Variants in LZTFL1 observed in about 807,000 individuals in gnomAD.
LZTFL1 encodes the protein leucine zipper transcription factor like 1.
In LZTFL1, 25 loss-of-function variants were observed where a neutral mutation model predicts 45.9. The ratio of observed to expected loss-of-function variants is 0.54; its 90% CI spans 0.40 to 0.76. The LOEUF (loss-of-function observed/expected upper bound fraction) is 0.76. Among genes scored for constraint, LZTFL1 ranks in the 30% least tolerant of loss-of-function variants. The pLI is 0.00. For synonymous variants in LZTFL1, 93 were observed against 117.4 expected, an observed-to-expected ratio of 0.79 and a Z score of 1.35; for missense variants, 277 against 331.1, an observed-to-expected ratio of 0.84 and a Z score of 1.27.
chr3:45,913,091 A>C (rs1702830773), intron 2 of LZTFL1: 1 of 1,533,998 alleles, frequency 6.5e-7, no homozygotes, highest in South Asian at 1.2e-5. Flanking sequence ...CAGTAGCAGT[A>C]ATATGTTCTG....
intron 1 of LZTFL1, chr3:45,913,287 CA>C (rs1360258502): frequency 6.5e-6 from 5 of 765,170 alleles, no homozygotes; most frequent in Admixed American, 2.6e-5. Flanking sequence ...GGACCTGCCA[CA>C]ACCTAAAGAT....
intron 9 of LZTFL1, 85 bp from the exon 10 acceptor site, chr3:45,826,417 A>G (rs1700665043): frequency 1.9e-6 from 2 of 1,076,518 alleles, no homozygotes; most frequent in East Asian, 2.4e-5. Context: ...CAGTGGCACT[A>G]TATTTCTCAC....
chr3:45,904,357 C>T (rs893210333), intron 2 of LZTFL1, among the ~76,000 whole-genome samples: 4 of 152,338 alleles, frequency 2.6e-5, no homozygotes, highest in Non-Finnish European at 5.9e-5. Context: ...GTCCTGCTAT[C>T]TACAGGCAGC....
upstream of LZTFL1, among the ~76,000 whole-genome samples, chr3:45,845,792 A>C (rs1701209089): frequency 6.6e-6 from 1 of 152,192 alleles, no homozygotes; most frequent in African/African-American, 2.4e-5. Flanking sequence ...TTTGCCTACA[A>C]AGCTGGGGCT....
At chr3:45,898,751 T>G (rs967069167) in intron 2 of LZTFL1, among the ~76,000 whole-genome samples, 1 of 152,216 alleles carries the variant, frequency 6.6e-6, no homozygotes, top group Admixed American at 6.5e-5. Context: ...TAAGAAGCCC[T>G]CCACAAACAC....
At chr3:45,890,735 T>A (rs1575294616) in intron 2 of LZTFL1, among the ~76,000 whole-genome samples, 1 of 152,250 alleles carries the variant, frequency 6.6e-6, no homozygotes, top group Non-Finnish European at 1.5e-5. Flanking sequence ...AGAAAATGCA[T>A]CTTTCATTCA....
At chr3:45,890,279 T>TATAAATATATATAAC (rs1553616516) in intron 2 of LZTFL1, among the ~76,000 whole-genome samples, 3 of 75,770 alleles carry the variant, frequency 4.0e-5, no homozygotes, top group African/African-American at 6.0e-5. Context: ...AACATATATA[T>TATAAATATATATAAC]ATATTTATAT....
At chr3:45,892,345 T>C (rs1702206849) in intron 2 of LZTFL1, among the ~76,000 whole-genome samples, 1 of 152,004 alleles carries the variant, frequency 6.6e-6, no homozygotes, top group Non-Finnish European at 1.5e-5. Flanking sequence ...ATAAGGAAAA[T>C]GTGGTACATA....
upstream of LZTFL1, among the ~76,000 whole-genome samples, chr3:45,846,756 G>T (rs1701223245): frequency 6.6e-6 from 1 of 152,042 alleles, no homozygotes; most frequent in African/African-American, 2.4e-5. Flanking sequence ...GGTTGGTCTT[G>T]CTGTCTCGGG....
chr3:45,849,554 A>G (rs1235054592), intron 4 of LZTFL1, among the ~76,000 whole-genome samples: 1 of 152,224 alleles, frequency 6.6e-6, no homozygotes, highest in Non-Finnish European at 1.5e-5. Flanking sequence ...CATTGAAGCT[A>G]AGACACCAAT....
chr3:45,901,781 C>T lies in LZTFL1; in HGVS notation c.-215+11339G>A, dbSNP rs752484883. ...GATTCCGCCGGGATCTCGTGAAAACCCTGAAGAACTTGGGTTGCATCAGCC... is the reference window on the plus strand; with the variant it reads ...GATTCCGCCGGGATCTCGTGAAAACTCTGAAGAACTTGGGTTGCATCAGCC... On this transcript the variant is annotated intron_variant, in intron 2 of 4. Transcript: ENST00000472635. The surrounding 1 kb of genome is among the most constrained non-coding windows in gnomAD (Gnocchi z 4.3). 1.4e-5 allele frequency: 23 copies of T among 1,613,958 alleles called. No homozygotes were observed. In the African/African-American group the frequency reaches 1.6e-4, roughly 11 times the overall value.
chr3:45,863,150 T>A (rs1385996264), intron 2 of LZTFL1, among the ~76,000 whole-genome samples: 6 of 152,224 alleles, frequency 3.9e-5, no homozygotes, highest in Non-Finnish European at 7.3e-5. Flanking sequence ...ACCAATGTCT[T>A]ATTTTGACAT....
intron 2 of LZTFL1, among the ~76,000 whole-genome samples, chr3:45,892,319 A>G (rs1377392350): frequency 6.6e-6 from 1 of 152,226 alleles, no homozygotes; most frequent in Non-Finnish European, 1.5e-5. Flanking sequence ...CTAAATGTTC[A>G]TCAACGATAG....
At chr3:45,895,053 G>A in intron 2 of LZTFL1, 1 of 1,267,588 alleles carries the variant, frequency 7.9e-7, no homozygotes, top group Non-Finnish European at 1.2e-6. Flanking sequence ...GGATTTATCT[G>A]TGTGGTTTCC....
chr3:45,829,940 T>A (rs777772839), intron 7 of LZTFL1, among the ~76,000 whole-genome samples: 58 of 152,336 alleles, frequency 3.8e-4, no homozygotes, highest in Non-Finnish European at 7.2e-4. Context: ...CCTCCTATTT[T>A]AAAAATATCT....
intron 2 of LZTFL1, among the ~76,000 whole-genome samples, chr3:45,908,830 C>A (rs1559430679): frequency 1.3e-5 from 2 of 152,130 alleles, no homozygotes; most frequent in East Asian, 3.9e-4. Flanking sequence ...AGTATTAATG[C>A]AGGGGTCCCC....
chr3:45,897,860 C>T (rs1318763246), intron 2 of LZTFL1, among the ~76,000 whole-genome samples: 2 of 151,590 alleles, frequency 1.3e-5, no homozygotes, highest in Non-Finnish European at 2.9e-5. Context: ...CTTGCTGGAC[C>T]GGAGAAGCAA....
intron 2 of LZTFL1, among the ~76,000 whole-genome samples, chr3:45,871,441 A>G (rs1362045217): frequency 6.6e-6 from 1 of 152,212 alleles, no homozygotes; most frequent in Non-Finnish European, 1.5e-5. Flanking sequence ...ACTACTAGCT[A>G]GATAGAGCAC....
chr3:45,856,529 A>G (rs1701395969), intron 3 of LZTFL1, among the ~76,000 whole-genome samples: 3 of 152,186 alleles, frequency 2.0e-5, no homozygotes, highest in African/African-American at 7.2e-5. Flanking sequence ...GCAAAAATTG[A>G]CAAATGGGAC....
Sources: allele counts gnomAD v4.1 joint callset (sites outside exome capture counted in the v4.1 genomes callset), GRCh38; gene constraint gnomAD v4.1.1; non-coding constraint Gnocchi (gnomAD v3.1); transcripts MANE v1.5; gene names NCBI Gene and HGNC (gene_info 2026-07-23, HGNC 2026-07-21).